KCNK9: variants seen among roughly 807,000 people sequenced by gnomAD.
KCNK9 encodes the protein potassium two pore domain channel subfamily K member 9, also known as potassium channel subfamily K member 9.
Under a neutral mutation model 10.8 loss-of-function variants are expected in KCNK9, and 1 was observed. That is an observed-to-expected ratio of 0.09 (90% CI 0.03 to 0.44). The LOEUF (loss-of-function observed/expected upper bound fraction) is 0.44, where lower values mean the gene tolerates loss of function less well. Among genes scored for constraint, KCNK9 ranks in the 20% least tolerant of loss-of-function variants. The probability of loss-of-function intolerance (pLI) is 0.97; values close to 1 mark genes in which losing one functional copy is unlikely to be tolerated. For synonymous variants in KCNK9, 231 were observed against 222.7 expected, an observed-to-expected ratio of 1.04 and a Z score of -0.33; for missense variants, 303 against 515.0, an observed-to-expected ratio of 0.59 and a Z score of 3.98.
chr8:139,604,285 C>G (rs918306680), intron 2 of KCNK9, among the ~76,000 whole-genome samples: 1 of 152,210 alleles, frequency 6.6e-6, no homozygotes, highest in African/African-American at 2.4e-5. Flanking sequence ...GGGGCTCATG[C>G]TTCCCTGGGG....
chr8:139,652,155 T>A (rs1382445120), intron 1 of KCNK9, among the ~76,000 whole-genome samples: 1 of 152,100 alleles, frequency 6.6e-6, no homozygotes, highest in East Asian at 1.9e-4. Flanking sequence ...GGGCACATGA[T>A]CCCCAGCTTG....
intron 1 of KCNK9, among the ~76,000 whole-genome samples, chr8:139,680,802 G>A (rs529051010): frequency 2.6e-5 from 4 of 152,230 alleles, no homozygotes; most frequent in East Asian, 1.9e-4. Flanking sequence ...CCAGGCGGTC[G>A]CATTCTGGAA....
At chr8:139,628,180 T>TG (rs1303611840) in intron 1 of KCNK9, among the ~76,000 whole-genome samples, 1 of 151,474 alleles carries the variant, frequency 6.6e-6, no homozygotes, top group Non-Finnish European at 1.5e-5. Context: ...GTGAGGCGAG[T>TG]GGGGGTCAGT....
chr8:139,651,712 G>A (rs1334544388), intron 1 of KCNK9, among the ~76,000 whole-genome samples: 1 of 152,122 alleles, frequency 6.6e-6, no homozygotes, highest in Admixed American at 6.5e-5. Flanking sequence ...CTGGGGTTGG[G>A]GTTTAAAATA....
intron 1 of KCNK9, among the ~76,000 whole-genome samples, chr8:139,698,225 G>T (rs1170883120): frequency 6.6e-6 from 1 of 152,164 alleles, no homozygotes; most frequent in East Asian, 1.9e-4. Context: ...TCTGTAAAGT[G>T]GGGGAGGTGA....
intron 1 of KCNK9, among the ~76,000 whole-genome samples, chr8:139,651,688 T>C (rs979281403): frequency 2.6e-5 from 4 of 152,058 alleles, no homozygotes; most frequent in Non-Finnish European, 4.4e-5. Flanking sequence ...AGAAGACTAA[T>C]TAGTGGAAGA....
At chr8:139,675,553 C>A (rs1413882765) in intron 1 of KCNK9, among the ~76,000 whole-genome samples, 1 of 152,140 alleles carries the variant, frequency 6.6e-6, no homozygotes, top group Non-Finnish European at 1.5e-5. Flanking sequence ...GAAAGAGGGC[C>A]CCCACCAGAA....
Position 139,687,387 on chromosome 8 carries a change from TATATATGTGTATACATATATATTC to T in KCNK9, c.283+15299_283+15322del, listed in dbSNP as rs1195416786. 2.5e-3 allele frequency among the ~76,000 whole-genome samples: 307 copies of T among 122,952 alleles called. 24 individuals carry two copies. The highest frequency in any genetic ancestry group is 7.5e-3 in the African/African-American group (250 of 33,268). 80.7% of individuals were successfully genotyped at this position (122,952 alleles called of 152,430 possible). A position where few individuals can be genotyped will look rare whatever the true frequency, so the allele number is the denominator to read the frequency against. ...ATATATGTGTATACATATATATGAATATATATGTGTATACATATATATTCATATATGTGTATACATATATATTCA... is the reference window on the plus strand; with the variant it reads ...ATATATGTGTATACATATATATGAATATATATGTGTATACATATATATTCA... On this transcript the variant is annotated intron_variant, in intron 1 of 1. Coordinates refer to ENST00000520439, the MANE Select transcript of KCNK9 (RefSeq NM_001282534.2).
intron 1 of KCNK9, among the ~76,000 whole-genome samples, chr8:139,654,270 TG>T (rs1245392753): frequency 1.3e-5 from 2 of 152,260 alleles, no homozygotes; most frequent in East Asian, 3.9e-4. Context: ...GCCAGATCGC[TG>T]GGTGCCCTGG....
chr8:139,626,231 CA>C (rs2130123614), intron 1 of KCNK9, among the ~76,000 whole-genome samples: 1 of 152,306 alleles, frequency 6.6e-6, no homozygotes, highest in East Asian at 1.9e-4. Flanking sequence ...AATCTAGGTA[CA>C]TCCACACCTG....
intron 1 of KCNK9, among the ~76,000 whole-genome samples, chr8:139,696,187 A>G (rs1445178783): frequency 1.3e-5 from 2 of 152,076 alleles, no homozygotes; most frequent in Non-Finnish European, 2.9e-5. Context: ...CTACCACTTC[A>G]TTATGTGTTA....
intron 1 of KCNK9, among the ~76,000 whole-genome samples, chr8:139,697,219 A>G (rs1272845876): frequency 7.0e-6 from 1 of 143,122 alleles, no homozygotes; most frequent in Non-Finnish European, 1.5e-5. Context: ...AGATGGGTGT[A>G]TGGATGGGTG....
At chr8:139,687,557 T>C (rs1586693053) in intron 1 of KCNK9, among the ~76,000 whole-genome samples, 1 of 128,308 alleles carries the variant, frequency 7.8e-6, no homozygotes, top group Non-Finnish European at 1.6e-5. Flanking sequence ...TTCATATATA[T>C]GTATACATAT....
chr8:139,659,177 G>A (rs563797242), intron 1 of KCNK9, among the ~76,000 whole-genome samples: 2 of 152,190 alleles, frequency 1.3e-5, no homozygotes, highest in Non-Finnish European at 2.9e-5. Context: ...GCGTGGATAC[G>A]ACCCTGACTC....
intron 1 of KCNK9, among the ~76,000 whole-genome samples, chr8:139,687,699 T>TGTATAC (rs1816850964): frequency 9.0e-5 from 13 of 144,084 alleles, no homozygotes; most frequent in African/African-American, 3.1e-4. Context: ...TGTATACATA[T>TGTATAC]ATATATAGAC....
chr8:139,685,089 G>A (rs1200802773), intron 1 of KCNK9, among the ~76,000 whole-genome samples: 1 of 144,148 alleles, frequency 6.9e-6, no homozygotes, highest in African/African-American at 2.5e-5. Context: ...TAATAGGTTT[G>A]TGTAGAACTT....
At chr8:139,680,507 A>T (rs1816665323) in intron 1 of KCNK9, among the ~76,000 whole-genome samples, 1 of 152,144 alleles carries the variant, frequency 6.6e-6, no homozygotes, top group South Asian at 2.1e-4. Flanking sequence ...AGGAAGATGG[A>T]TCCTTACCCA....
chr8:139,676,832 ATCCCAGCTATTT>A (rs1380166400), intron 1 of KCNK9, among the ~76,000 whole-genome samples: 3 of 152,152 alleles, frequency 2.0e-5, no homozygotes, highest in Non-Finnish European at 4.4e-5. Context: ...CATGCCTGTA[ATCCCAGCTATTT>A]GGGAGGCTGA....
intron 2 of KCNK9, among the ~76,000 whole-genome samples, chr8:139,605,258 C>T (rs138015798): frequency 9.8e-5 from 15 of 152,314 alleles, no homozygotes; most frequent in East Asian, 3.9e-4. Context: ...AATCCGGTCT[C>T]GGTTCAGTTG....
Sources: allele counts gnomAD v4.1 joint callset (sites outside exome capture counted in the v4.1 genomes callset), GRCh38; gene constraint gnomAD v4.1.1; transcripts MANE v1.5; gene names NCBI Gene and HGNC (gene_info 2026-07-23, HGNC 2026-07-21).